Variants in NECTIN3 observed in about 807,000 individuals in gnomAD.
The protein encoded by NECTIN3 is nectin cell adhesion molecule 3, also known as nectin-3.
A neutral mutation model predicts 49.4 loss-of-function variants in NECTIN3; 8 were observed. That is an observed-to-expected ratio of 0.16 (90% CI 0.10 to 0.29). NECTIN3 has a LOEUF of 0.29. Among genes scored for constraint, NECTIN3 ranks in the 10% least tolerant of loss-of-function variants. The probability of loss-of-function intolerance (pLI) is 1.00; values close to 1 mark genes in which losing one functional copy is unlikely to be tolerated. For synonymous variants in NECTIN3, 277 were observed against 241.1 expected (o/e 1.15, Z -1.38); for missense variants, 581 against 654.6 (o/e 0.89, Z 1.23).
intron 2 of NECTIN3, among the ~76,000 whole-genome samples, chr3:111,115,613 A>G (rs577472190): frequency 6.6e-6 from 1 of 152,350 alleles, no homozygotes; most frequent in East Asian, 1.9e-4. Flanking sequence ...TGATCACATC[A>G]CATAGAGGAA....
intron 7 of NECTIN3, among the ~76,000 whole-genome samples, chr3:111,171,396 C>T (rs372449168): frequency 6.6e-6 from 1 of 152,182 alleles, no homozygotes; most frequent in African/African-American, 2.4e-5. Flanking sequence ...ATTTGTTTCT[C>T]CATAGTCCTG....
rs75636566 is a variant in NECTIN3 at position 111,143,140 on chromosome 3, G to A, written c.1001-1759G>A. ...GGGAAAAGGATAATATAGATTATCCGTAAGTCATCCCAAATCTCTCTCACA... is the reference window on the plus strand; with the variant it reads ...GGGAAAAGGATAATATAGATTATCCATAAGTCATCCCAAATCTCTCTCACA... On this transcript the variant is annotated intron_variant, in intron 5 of 8. Coordinates refer to the NECTIN3 transcript ENST00000493615. Among the ~76,000 whole-genome samples the A allele has an allele frequency of 7.9e-3, 1,198 of 151,904 alleles. 4 individuals are homozygous for A. Among genetic ancestry groups the A allele is most frequent in the Non-Finnish European group, 0.01 (697 of 67,758 alleles).
intron 1 of NECTIN3, chr3:111,193,299 C>T: frequency 6.5e-7 from 1 of 1,535,616 alleles, no homozygotes; most frequent in South Asian, 1.2e-5. Context: ...AATGTGCTAC[C>T]AAGACCGGAG....
intron 7 of NECTIN3, among the ~76,000 whole-genome samples, chr3:111,174,982 G>A (rs2035501014): frequency 6.6e-6 from 1 of 152,186 alleles, no homozygotes; most frequent in South Asian, 2.1e-4. Flanking sequence ...GATGAATGCA[G>A]GATTTCAGTG....
At chr3:111,165,266 A>G (rs2035296147) in intron 7 of NECTIN3, among the ~76,000 whole-genome samples, 1 of 152,038 alleles carries the variant, frequency 6.6e-6, no homozygotes, top group Non-Finnish European at 1.5e-5. Context: ...GATGGTCTCG[A>G]TCTCCTGACC....
At chr3:111,077,011 G>A (rs1213877161) in intron 1 of NECTIN3, among the ~76,000 whole-genome samples, 1 of 151,698 alleles carries the variant, frequency 6.6e-6, no homozygotes, top group Non-Finnish European at 1.5e-5. Context: ...TTTATTAAGG[G>A]TAGCTTCAAG....
intron 2 of NECTIN3, 55 bp from the exon 3 acceptor site, chr3:111,118,601 A>AT: frequency 1.4e-6 from 2 of 1,410,744 alleles, no homozygotes; most frequent in Non-Finnish European, 1.9e-6. Context: ...ACTTGGAAAG[A>AT]TATAAACATA....
chr3:111,075,378 A>T (rs1399778694), intron 1 of NECTIN3: 1 of 151,952 alleles, frequency 6.6e-6, no homozygotes, highest in African/African-American at 2.4e-5. Flanking sequence ...TCTAGCTGTA[A>T]ATCATTGGCA....
chr3:111,095,443 A>G (rs1197391293), intron 1 of NECTIN3, among the ~76,000 whole-genome samples: 1 of 152,224 alleles, frequency 6.6e-6, no homozygotes, highest in African/African-American at 2.4e-5. Flanking sequence ...TCTGGGGTCT[A>G]CCTTTGATCA....
At chr3:111,119,422 C>G (rs561785340) in intron 3 of NECTIN3, among the ~76,000 whole-genome samples, 9 of 152,314 alleles carry the variant, frequency 5.9e-5, no homozygotes, top group African/African-American at 1.9e-4. Flanking sequence ...ACTTCCGCCT[C>G]CCGGGTTCAA....
chr3:111,097,619 T>C (rs1409881552), intron 1 of NECTIN3, among the ~76,000 whole-genome samples: 1 of 152,192 alleles, frequency 6.6e-6, no homozygotes, highest in Non-Finnish European at 1.5e-5. Flanking sequence ...TGTGCTGTTC[T>C]TGTGTTAGTG....
At chr3:111,118,315 G>A (rs1275893968) in intron 2 of NECTIN3, among the ~76,000 whole-genome samples, 2 of 123,618 alleles carry the variant, frequency 1.6e-5, no homozygotes, top group African/African-American at 5.9e-5. Flanking sequence ...TTCCAGAGAA[G>A]TAATACCTTT....
At chr3:111,107,865 A>G (rs1412937479) in intron 1 of NECTIN3, among the ~76,000 whole-genome samples, 3 of 152,216 alleles carry the variant, frequency 2.0e-5, no homozygotes, top group Admixed American at 6.5e-5. Context: ...GATTTCGTCC[A>G]GGAATGGAAA....
intron 1 of NECTIN3, among the ~76,000 whole-genome samples, chr3:111,085,644 T>G (rs1176566679): frequency 6.6e-6 from 1 of 152,212 alleles, no homozygotes; most frequent in East Asian, 1.9e-4. Context: ...TTTTGAACTT[T>G]GTAATACTTC....
chr3:111,099,116 C>A (rs1193398517), intron 1 of NECTIN3, among the ~76,000 whole-genome samples: 1 of 152,052 alleles, frequency 6.6e-6, no homozygotes, highest in Non-Finnish European at 1.5e-5. Flanking sequence ...CTGGAAAATC[C>A]CACCTCACCT....
intron 1 of NECTIN3, among the ~76,000 whole-genome samples, chr3:111,090,403 C>T (rs944044496): frequency 2.0e-5 from 3 of 152,016 alleles, no homozygotes; most frequent in African/African-American, 7.2e-5. Context: ...ACTTCATGAA[C>T]TACCCTACTG....
chr3:111,129,915 G>C (rs551239478), intron 5 of NECTIN3, among the ~76,000 whole-genome samples: 1 of 150,818 alleles, frequency 6.6e-6, no homozygotes, highest in African/African-American at 2.4e-5. Context: ...CTCCTAGTGT[G>C]CTAGGATTAC....
intron 1 of NECTIN3, among the ~76,000 whole-genome samples, chr3:111,079,642 A>T (rs991247845): frequency 1.3e-5 from 2 of 151,806 alleles, no homozygotes; most frequent in Admixed American, 1.3e-4. Flanking sequence ...CTTCTCTTTA[A>T]GGGCACAGGA....
chr3:111,112,443 A>C, intron 2 of NECTIN3, 72 bp downstream of exon 2: 8 of 945,400 alleles, frequency 8.5e-6, no homozygotes, highest in Non-Finnish European at 1.2e-5. Context: ...TAAGAAATTA[A>C]AATGGTTGAA....
Sources: gnomAD v4.1 joint callset for allele counts (sites outside exome capture counted in the v4.1 genomes callset) on GRCh38, gnomAD v4.1.1 for gene constraint, MANE v1.5 for transcripts, NCBI Gene and HGNC (gene_info 2026-07-23, HGNC 2026-07-21) for gene names.